The following CNTNAP2 variants were observed in gnomAD, a reference collection of about 807,000 sequenced individuals.
CNTNAP2 encodes the protein contactin associated protein 2.
A neutral mutation model predicts 155.2 loss-of-function variants in CNTNAP2; 98 were observed. The ratio of observed to expected loss-of-function variants is 0.63; its 90% confidence interval spans 0.54 to 0.75. The LOEUF is 0.75. Ranked by LOEUF, CNTNAP2 falls within the 30% of genes least tolerant of loss-of-function variation. The pLI is 0.00. For synonymous variants in CNTNAP2, 651 were observed against 631.2 expected (o/e 1.03, Z -0.47); for missense variants, 1,727 against 1,688.1 (o/e 1.02, Z -0.40).
chr7:146,464,883 T>C (rs10255515), intron 1 of CNTNAP2, among the ~76,000 whole-genome samples: 94,161 of 151,948 alleles, frequency 0.62, 31,136 homozygotes, highest in South Asian at 0.86. Flanking sequence ...AAATACTCTC[T>C]TGAATTTTAA....
intron 12 of CNTNAP2, among the ~76,000 whole-genome samples, chr7:147,575,937 T>C (rs1042829583): frequency 2.0e-5 from 3 of 151,970 alleles, no homozygotes; most frequent in African/African-American, 7.2e-5. Flanking sequence ...GATATTAACA[T>C]TCTCTGTAAC....
At chr7:148,163,583 C>T (rs1805592314) in intron 17 of CNTNAP2, among the ~76,000 whole-genome samples, 2 of 152,112 alleles carry the variant, frequency 1.3e-5, no homozygotes, top group Non-Finnish European at 2.9e-5. Flanking sequence ...ATGTCCTTTA[C>T]TCTGAGGACA....
At chr7:146,784,785 G>A (rs191184269) in intron 2 of CNTNAP2, among the ~76,000 whole-genome samples, 2 of 152,220 alleles carry the variant, frequency 1.3e-5, no homozygotes, top group South Asian at 2.1e-4. Flanking sequence ...CAGATTCTTA[G>A]TGGTCTGGAC....
At chr7:148,270,226 C>G (rs910060198) in intron 21 of CNTNAP2, among the ~76,000 whole-genome samples, 3 of 152,196 alleles carry the variant, frequency 2.0e-5, no homozygotes, top group African/African-American at 7.2e-5. Flanking sequence ...ACCTTGACAT[C>G]AATCTGTGCA....
Position 148,101,350 on chromosome 7 carries a change from A to AGAGTGT in CNTNAP2, c.2384-16767_2384-16766insAGTGTG, listed in dbSNP as rs1247428489. 3.0e-3 allele frequency among the ~76,000 whole-genome samples: 438 copies of AGAGTGT among 144,452 alleles called. 2 individuals carry two copies. Among genetic ancestry groups the AGAGTGT allele is most frequent in the African/African-American group, 0.011 (416 of 38,602 alleles). The allele number at this position is 144,452 out of a possible 152,430, so 94.8% of individuals were successfully genotyped here. Reference sequence around the variant, plus strand: ...ATGGAAGCACAAAACTAAAAAGTTCAGTGTGTGTGTGTGTGTGTGTGTGTG... The same window carrying AGAGTGT: ...ATGGAAGCACAAAACTAAAAAGTTCAGAGTGTGTGTGTGTGTGTGTGTGTGTGTGTG... On this transcript the variant is annotated intron_variant, in intron 15 of 23. Transcript: ENST00000361727.
chr7:146,679,505 G>T (rs1316655819), intron 1 of CNTNAP2, among the ~76,000 whole-genome samples: 1 of 151,690 alleles, frequency 6.6e-6, no homozygotes, highest in Non-Finnish European at 1.5e-5. Flanking sequence ...ACAGGCGCCC[G>T]CCAACACGCC....
chr7:146,290,391 A>G (rs946609741), intron 1 of CNTNAP2, among the ~76,000 whole-genome samples: 43 of 152,234 alleles, frequency 2.8e-4, no homozygotes, highest in Admixed American at 2.1e-3. Context: ...ACATGAAGAC[A>G]GAACTCAGAA....
chr7:147,321,252 T>C (rs548766747), intron 9 of CNTNAP2, among the ~76,000 whole-genome samples: 1 of 152,202 alleles, frequency 6.6e-6, no homozygotes, highest in Admixed American at 6.5e-5. Context: ...TAGTGGACGA[T>C]GATATCCTCA....
intron 1 of CNTNAP2, among the ~76,000 whole-genome samples, chr7:146,712,716 C>A (rs896902769): frequency 6.6e-6 from 1 of 151,482 alleles, no homozygotes; most frequent in Non-Finnish European, 1.5e-5. Context: ...TGTAACATAT[C>A]ATGGCTGAAT....
At chr7:146,642,103 C>A (rs996860628) in intron 1 of CNTNAP2, among the ~76,000 whole-genome samples, 4 of 151,630 alleles carry the variant, frequency 2.6e-5, no homozygotes, top group Middle Eastern at 3.2e-3. Flanking sequence ...ATTTAAAAGA[C>A]AAATTTTGTT....
intron 13 of CNTNAP2, among the ~76,000 whole-genome samples, chr7:147,802,842 T>C (rs1798028964): frequency 6.9e-6 from 1 of 145,854 alleles, no homozygotes; most frequent in South Asian, 2.2e-4. Context: ...CTCTATGAAG[T>C]TTTATCAACC....
At position 148,218,268 on chromosome 7, in the gene CNTNAP2, G is replaced by A. The variant is rs925820648; in HGVS notation, c.3247+744G>A. On this transcript the variant is annotated intron_variant, in intron 19 of 23. Transcript: ENST00000361727. ...CTGATTTATGATAGTATACCAGTAG[G>A]TTGTTACAGAACATCTGAACTTTCA... is the stretch of plus-strand genomic sequence containing the variant. Among the ~76,000 whole-genome samples, 4 of 152,176 alleles carry A rather than the reference G, an allele frequency of 2.6e-5. No homozygotes were observed. The South Asian group carries it at 6.2e-4, about 24-fold the overall frequency.
chr7:147,487,446 G>A (rs577400664), intron 11 of CNTNAP2, among the ~76,000 whole-genome samples: 13 of 152,178 alleles, frequency 8.5e-5, no homozygotes, highest in Admixed American at 2.6e-4. Context: ...TAAATATAAC[G>A]TGATGCTAGA....
chr7:147,502,730 T>A lies in CNTNAP2; in HGVS notation c.1777+16689T>A, dbSNP rs1182418099. 1.6e-5 allele frequency among the ~76,000 whole-genome samples: 2 copies of A among 127,502 alleles called. 1 individual carries two copies. Among genetic ancestry groups the A allele is most frequent in the Non-Finnish European group, 3.3e-5 (2 of 60,460 alleles). The allele number at this position is 127,502 out of a possible 152,430, so 83.6% of individuals were successfully genotyped here. On this transcript the variant is annotated intron_variant, in intron 11 of 23. Coordinates refer to ENST00000361727, the MANE Select transcript of CNTNAP2 (RefSeq NM_014141.6). The stretch of plus-strand genomic sequence containing the variant: ...AATCATTTCACAATGTGTGTGTGTG[T>A]GTGTGTGTGTGTATATATATATATA...
chr7:148,055,359 G>A (rs1480874331), intron 15 of CNTNAP2, among the ~76,000 whole-genome samples: 1 of 152,168 alleles, frequency 6.6e-6, no homozygotes, highest in African/African-American at 2.4e-5. Flanking sequence ...ATAGCTTATA[G>A]GAAATTATTC....
chr7:147,350,068 T>C (rs1584891232), intron 9 of CNTNAP2, among the ~76,000 whole-genome samples: 1 of 151,976 alleles, frequency 6.6e-6, no homozygotes, highest in Non-Finnish European at 1.5e-5. Flanking sequence ...ATATGAATGA[T>C]ATTCACTTGC....
chr7:147,701,832 C>G (rs902877988), intron 13 of CNTNAP2, among the ~76,000 whole-genome samples: 6 of 152,228 alleles, frequency 3.9e-5, no homozygotes, highest in African/African-American at 1.4e-4. Flanking sequence ...TCATTTGATC[C>G]TCAAACTAAA....
At chr7:146,883,800 C>A (rs1795601561) in intron 3 of CNTNAP2, among the ~76,000 whole-genome samples, 1 of 152,012 alleles carries the variant, frequency 6.6e-6, no homozygotes, top group African/African-American at 2.4e-5. Context: ...CCAATTTCTC[C>A]AAAATCATCT....
At chr7:146,170,661 A>G (rs1209481229) in intron 1 of CNTNAP2, among the ~76,000 whole-genome samples, 1 of 152,196 alleles carries the variant, frequency 6.6e-6, no homozygotes, top group African/African-American at 2.4e-5. Flanking sequence ...GTTGAGTTAA[A>G]TATGAATGGC....
Sources: gnomAD v4.1 joint callset for allele counts (sites outside exome capture counted in the v4.1 genomes callset) on GRCh38, gnomAD v4.1.1 for gene constraint, MANE v1.5 for transcripts, NCBI Gene and HGNC (gene_info 2026-07-23, HGNC 2026-07-21) for gene names.